The following TCAIM variants were observed in gnomAD, a reference collection of about 807,000 sequenced individuals.
TCAIM encodes the protein T cell activation inhibitor, mitochondrial, also known as T-cell activation inhibitor, mitochondrial.
TCAIM carries 36 observed loss-of-function variants against 58.6 expected under a neutral mutation model. That is an observed-to-expected ratio of 0.61 (90% CI 0.47 to 0.81). TCAIM has a LOEUF of 0.81. Ranked by LOEUF, TCAIM falls within the 30% of genes least tolerant of loss-of-function variation. TCAIM has a pLI of 0.00. For synonymous variants in TCAIM, 172 were observed against 193.6 expected, an observed-to-expected ratio of 0.89 and a Z score of 0.93; for missense variants, 466 against 579.6, an observed-to-expected ratio of 0.80 and a Z score of 2.01.
At chr3:44,364,945 C>T (rs913866725) in intron 4 of TCAIM, among the ~76,000 whole-genome samples, 1 of 152,082 alleles carries the variant, frequency 6.6e-6, no homozygotes, top group Admixed American at 6.6e-5. Flanking sequence ...CTCCCCAAAG[C>T]CACAAAATTC....
intron 9 of TCAIM, chr3:44,400,955 T>C (rs2125656707): frequency 1.9e-6 from 1 of 515,930 alleles, no homozygotes; most frequent in Non-Finnish European, 3.4e-6. Context: ...TCTCACAACC[T>C]CACTGTGCAG....
At chr3:44,339,106 G>A (rs1297232942) in intron 1 of TCAIM, among the ~76,000 whole-genome samples, 2 of 39,574 alleles carry the variant, frequency 5.1e-5, no homozygotes, top group East Asian at 6.6e-4. Flanking sequence ...ATCTCATATA[G>A]CGAGATTTAG....
At chr3:44,354,679 C>A in intron 1 of TCAIM, 60 bp from the exon 2 acceptor site, 2 of 1,161,366 alleles carry the variant, frequency 1.7e-6, no homozygotes, top group South Asian at 1.5e-5. Context: ...ATATAAATCG[C>A]AATGTGTTTT....
At chr3:44,396,935 T>C in intron 8 of TCAIM, 101 bp downstream of exon 8, 1 of 1,164,510 alleles carries the variant, frequency 8.6e-7, no homozygotes, top group South Asian at 1.6e-5. Flanking sequence ...TTGTTGTGTT[T>C]TTGTTTTTGT....
chr3:44,364,268 G>GA (rs1191219472), intron 4 of TCAIM, among the ~76,000 whole-genome samples: 1 of 151,126 alleles, frequency 6.6e-6, no homozygotes, highest in Admixed American at 6.6e-5. Context: ...AAAGGTTACA[G>GA]AAAAAATTAA....
chr3:44,392,693 A>C (rs555137876), intron 5 of TCAIM, among the ~76,000 whole-genome samples, 162 bp from the exon 6 acceptor site: 285 of 152,322 alleles, frequency 1.9e-3, no homozygotes, highest in Admixed American at 2.9e-3. Flanking sequence ...TCTATGGTAT[A>C]TATGTACCAC....
chr3:44,351,218 A>G (rs573353424), intron 1 of TCAIM, among the ~76,000 whole-genome samples: 61 of 152,116 alleles, frequency 4.0e-4, no homozygotes, highest in Admixed American at 3.7e-3. Context: ...CGAACTCCTG[A>G]CCTCAGTTGA....
intron 6 of TCAIM, among the ~76,000 whole-genome samples, chr3:44,395,141 A>T (rs534488437): frequency 3.2e-4 from 49 of 151,348 alleles, no homozygotes; most frequent in Non-Finnish European, 4.9e-4. Flanking sequence ...GCCTATATAA[A>T]ACACCATTTT....
At chr3:44,347,021 A>G (rs1349502852) in intron 1 of TCAIM, among the ~76,000 whole-genome samples, 2 of 152,196 alleles carry the variant, frequency 1.3e-5, no homozygotes, top group African/African-American at 4.8e-5. Flanking sequence ...TCAGGATGGT[A>G]AAACTAGGTA....
chr3:44,400,627 T>G, intron 9 of TCAIM, 40 bp downstream of exon 9: 2 of 1,522,476 alleles, frequency 1.3e-6, no homozygotes, highest in Non-Finnish European at 1.8e-6. Context: ...TATTCCTTCG[T>G]CTAGGTGGGT....
intron 5 of TCAIM, among the ~76,000 whole-genome samples, chr3:44,383,867 ATC>A (rs1200888650): frequency 6.6e-6 from 1 of 151,898 alleles, no homozygotes; most frequent in Non-Finnish European, 1.5e-5. Context: ...GCCAGGCATA[ATC>A]ACACCACTGC....
At chr3:44,367,913 A>C in intron 5 of TCAIM, 1 of 484,950 alleles carries the variant, frequency 2.1e-6, no homozygotes, top group Non-Finnish European at 3.5e-6. Flanking sequence ...TTTCTTACTT[A>C]AAGCTGCCAA....
At position 44,395,945 on chromosome 3, in the gene TCAIM, C is replaced by T. The variant is rs112779807; in HGVS notation, c.696-455C>T. Among the ~76,000 whole-genome samples the T allele has an allele frequency of 3.9e-3, 594 of 152,324 alleles. 2 individuals are homozygous for T. Among genetic ancestry groups the T allele is most frequent in the Middle Eastern group, 0.017 (5 of 294 alleles). On this transcript the variant is annotated intron_variant, in intron 6 of 10. Transcript: ENST00000342649. ...AAGGCTGCAGTGAGCCGTGATTACA[C>T]CACTGCACTCCCGCCTGGGCGACAG...
At chr3:44,396,629 A>C in intron 7 of TCAIM, 114 bp from the exon 8 acceptor site, 1 of 1,418,262 alleles carries the variant, frequency 7.1e-7, no homozygotes, top group Non-Finnish European at 9.7e-7. Flanking sequence ...CAGTGGCATA[A>C]AATTAGCCTT....
Position 44,357,843 on chromosome 3 carries a change from T to C in TCAIM, c.132T>C (p.His44=), listed in dbSNP as rs1377747123. 7.4e-6 allele frequency: 12 copies of C among 1,614,168 alleles called. No homozygotes were observed. Among genetic ancestry groups the C allele is most frequent in the African/African-American group, 1.3e-5 (1 of 75,066 alleles). Residue 44 remains histidine, a synonymous_variant, in exon 3 of 11, where the codon CAT becomes CAC. Transcript: ENST00000342649. ...NALRPFYFAV[H]PDFFGQHPVE... The stretch of plus-strand genomic sequence containing the variant: ...TGAGGCCTTTCTATTTTGCAGTACA[T>C]CCAGATTTCTTTGGACAGCACCCCG...
chr3:44,360,630 T>C (rs1207681290), intron 3 of TCAIM, among the ~76,000 whole-genome samples: 3 of 150,888 alleles, frequency 2.0e-5, no homozygotes, highest in Non-Finnish European at 3.0e-5. Context: ...GGAGACAGAG[T>C]CTTGCTCTGT....
chr3:44,385,243 C>G (rs1477044605), intron 5 of TCAIM, among the ~76,000 whole-genome samples: 1 of 152,154 alleles, frequency 6.6e-6, no homozygotes, highest in Non-Finnish European at 1.5e-5. Context: ...GATATGAAGT[C>G]TCTTGTCATG....
chr3:44,354,071 C>T (rs887810720), intron 1 of TCAIM, among the ~76,000 whole-genome samples: 9 of 151,966 alleles, frequency 5.9e-5, no homozygotes, highest in Admixed American at 6.6e-5. Context: ...GGTCTGTGAC[C>T]CATTTTGAGT....
intron 3 of TCAIM, chr3:44,359,115 T>G: frequency 1.0e-6 from 1 of 979,092 alleles, no homozygotes; most frequent in Non-Finnish European, 1.2e-6. Flanking sequence ...CAGCAGGGCA[T>G]GGTGGCACAC....
Sources: gnomAD v4.1 joint callset for allele counts (sites outside exome capture counted in the v4.1 genomes callset) on GRCh38, gnomAD v4.1.1 for gene constraint, MANE v1.5 for transcripts, NCBI Gene and HGNC (gene_info 2026-07-23, HGNC 2026-07-21) for gene names.